DNAH8: variants seen among roughly 807,000 people sequenced by gnomAD.
DNAH8 encodes the protein dynein axonemal heavy chain 8, also known as axonemal beta dynein heavy chain 8.
In DNAH8, 382 loss-of-function variants were observed where a neutral mutation model predicts 562.1. The ratio of observed to expected loss-of-function variants is 0.68; its 90% CI spans 0.63 to 0.74. The LOEUF (loss-of-function observed/expected upper bound fraction) is 0.74. Among genes scored for constraint, DNAH8 ranks in the 30% least tolerant of loss-of-function variants. The pLI is 0.00. For synonymous variants in DNAH8, 1,881 were observed against 1,919.4 expected (o/e 0.98, Z 0.52); for missense variants, 5,203 against 5,620.4 (o/e 0.93, Z 2.37).
intron 68 of DNAH8, 123 bp downstream of exon 68, chr6:38,915,500 G>A (rs1682094776): frequency 7.3e-6 from 6 of 816,786 alleles, no homozygotes; most frequent in Non-Finnish European, 1.0e-5. Context: ...CTCTGAGTCT[G>A]GAAACAAATG....
intron 73 of DNAH8, 114 bp downstream of exon 73, chr6:38,924,276 G>C: frequency 1.0e-6 from 1 of 967,786 alleles, no homozygotes; most frequent in Non-Finnish European, 1.5e-6. Flanking sequence ...ACTTTGGGAG[G>C]CTGAGGAGGG....
At position 38,722,908 on chromosome 6, in the gene DNAH8, C is replaced by G. The variant is rs1361680296; in HGVS notation, c.99C>G (p.Ala33=). Residue 33 remains alanine (A), a synonymous_variant, in exon 2 of 93, where the codon GCC becomes GCG. Transcript: ENST00000327475. ...AAPPRSEEEE[A]PRPPTVEAPA... is the part of the protein sequence containing the mutation. The stretch of plus-strand genomic sequence containing the variant: ...CTCCCCGTTCAGAAGAGGAAGAGGC[C>G]CCGCGCCCTCCGACAGTGGAGGCCC... The G allele has an allele frequency of 6.2e-7, 1 of 1,612,122 alleles. No homozygotes were observed. Among genetic ancestry groups the G allele is most frequent in the Non-Finnish European group, 8.5e-7 (1 of 1,179,668 alleles).
intron 3 of DNAH8, among the ~76,000 whole-genome samples, chr6:38,728,471 C>T (rs1020808777): frequency 2.7e-5 from 3 of 109,238 alleles, no homozygotes; most frequent in Admixed American, 8.6e-5. Context: ...TGCAAGGATT[C>T]ATTGCATTTG....
Position 38,882,908 on chromosome 6 carries a change from A to G in DNAH8, c.7859-2A>G. 1.3e-6 allele frequency: 2 copies of G among 1,555,384 alleles called. No individual in the cohort carries two copies. Among genetic ancestry groups the G allele is most frequent in the Non-Finnish European group, 1.7e-6 (2 of 1,156,160 alleles). ...TAAGATGAAATTTTACTTATTATATAGGTGATTGGGAGCACTGGAATAAGA... is the reference window on the plus strand; with the variant it reads ...TAAGATGAAATTTTACTTATTATATGGGTGATTGGGAGCACTGGAATAAGA... On this transcript the variant is annotated splice_acceptor_variant, in intron 53 of 92. Transcript: ENST00000327475. LOFTEE classifies it high-confidence loss of function.
intron 49 of DNAH8, 104 bp from the exon 50 acceptor site, chr6:38,872,432 G>C: frequency 7.8e-7 from 1 of 1,279,534 alleles, no homozygotes; most frequent in Non-Finnish European, 1.1e-6. Context: ...AACTAGTTAC[G>C]TTAATGAAGA....
At chr6:38,986,205 T>G (rs546797833) in intron 87 of DNAH8, among the ~76,000 whole-genome samples, 2 of 152,306 alleles carry the variant, frequency 1.3e-5, no homozygotes, top group African/African-American at 4.8e-5. Context: ...GAAGGCAACT[T>G]AGGAATCCAT....
chr6:38,790,748 G>T (rs1338750258), intron 20 of DNAH8, among the ~76,000 whole-genome samples: 1 of 151,818 alleles, frequency 6.6e-6, no homozygotes, highest in Non-Finnish European at 1.5e-5. Context: ...GTTTGAACCA[G>T]GGAAGCGGAG....
Position 38,737,840 on chromosome 6 carries a change from G to A in DNAH8, c.984G>A (p.Lys328=). ...GAATAAGTATTGAGGGAACAGTGAA[G>A]TTAAAGACAATAGACAATGTTAATT... ...GARISIEGTV[K]LKTIDNVNFS... Residue 328 remains lysine, a synonymous_variant, in exon 7 of 93, where the codon AAG becomes AAA. Coordinates refer to ENST00000327475, the MANE Select transcript of DNAH8 (RefSeq NM_001206927.2). The A allele has an allele frequency of 6.4e-7, 1 of 1,568,760 alleles. No homozygotes were observed. The highest frequency in any genetic ancestry group is 8.6e-7 in the Non-Finnish European group (1 of 1,161,122).
intron 45 of DNAH8, among the ~76,000 whole-genome samples, chr6:38,865,516 T>C (rs573795952): frequency 6.6e-6 from 1 of 152,316 alleles, no homozygotes; most frequent in Admixed American, 6.5e-5. Context: ...TCTCTTAAGA[T>C]CCTTTTATGG....
At position 38,875,761 on chromosome 6, in the gene DNAH8, G is replaced by A. The variant is rs1554124713; in HGVS notation, c.7791G>A (p.Lys2597=). 6.2e-7 allele frequency: 1 copy of A among 1,614,000 alleles called. No homozygotes were observed. The highest frequency in any genetic ancestry group is 1.1e-5 in the South Asian group (1 of 91,086). The change falls in exon 53 of 93, where the codon AAG becomes AAA. Residue 2597 remains lysine (K), a synonymous_variant. Coordinates refer to ENST00000327475, the MANE Select transcript of DNAH8 (RefSeq NM_001206927.2). ...LEAFLRQHES[K]LDLPEIPKGS... ...CCTTCTTACGGCAGCATGAAAGCAA[G>A]TTGGACTTACCAGAAATACCTAAAG...
intron 79 of DNAH8, among the ~76,000 whole-genome samples, chr6:38,940,149 A>G (rs1783318233): frequency 6.6e-6 from 1 of 152,170 alleles, no homozygotes; most frequent in Non-Finnish European, 1.5e-5. Context: ...GCACACGTGT[A>G]AGGATCAAAG....
chr6:38,975,692 A>G (rs1052439943), intron 85 of DNAH8, among the ~76,000 whole-genome samples: 2 of 152,180 alleles, frequency 1.3e-5, no homozygotes, highest in Non-Finnish European at 2.9e-5. Context: ...TGGATTGTCA[A>G]TTACAGCTTT....
intron 15 of DNAH8, among the ~76,000 whole-genome samples, chr6:38,780,676 A>T (rs2127638616): frequency 6.6e-6 from 1 of 152,252 alleles, no homozygotes; most frequent in East Asian, 1.9e-4. Context: ...AACAGTAGAC[A>T]CTGGGGCCTA....
intron 21 of DNAH8, among the ~76,000 whole-genome samples, chr6:38,793,210 G>A (rs1769918924): frequency 6.6e-6 from 1 of 152,148 alleles, no homozygotes; most frequent in Non-Finnish European, 1.5e-5. Flanking sequence ...CTGGAGTGCA[G>A]TGGCAAGATC....
intron 71 of DNAH8, among the ~76,000 whole-genome samples, chr6:38,922,126 A>AT (rs1781758012): frequency 6.6e-6 from 1 of 151,502 alleles, no homozygotes; most frequent in Non-Finnish European, 1.5e-5. Flanking sequence ...CATGCAGGTC[A>AT]CAGGGGATAT....
At chr6:38,849,050 C>T (rs907165681) in intron 37 of DNAH8, among the ~76,000 whole-genome samples, 10 of 152,080 alleles carry the variant, frequency 6.6e-5, no homozygotes, top group Non-Finnish European at 4.4e-5. Context: ...TGAGATTATA[C>T]GGCCCAAAAA....
intron 81 of DNAH8, among the ~76,000 whole-genome samples, chr6:38,950,445 T>C (rs12194740): frequency 0.012 from 914 of 73,602 alleles, 7 homozygotes; most frequent in Middle Eastern, 0.023. Flanking sequence ...TGAAAAGGCT[T>C]TTTTTTTTTT....
chr6:38,884,047 G>A (rs945689892), intron 56 of DNAH8, 49 bp downstream of exon 56: 97 of 1,188,822 alleles, frequency 8.2e-5, no homozygotes, highest in Non-Finnish European at 1.1e-4. Flanking sequence ...GTATTTTTAT[G>A]TATATATATT....
chr6:39,005,169 T>C (rs567194605), intron 88 of DNAH8, among the ~76,000 whole-genome samples: 18 of 152,310 alleles, frequency 1.2e-4, no homozygotes, highest in Admixed American at 5.2e-4. Context: ...CCCAGCACTT[T>C]GGGAGGCCAA....
Sources: gnomAD v4.1 joint callset for allele counts (sites outside exome capture counted in the v4.1 genomes callset) on GRCh38, gnomAD v4.1.1 for gene constraint, MANE v1.5 for transcripts, NCBI Gene and HGNC (gene_info 2026-07-23, HGNC 2026-07-21) for gene names.